Variants in LACTB2 observed in about 807,000 individuals in gnomAD.
LACTB2 encodes lactamase beta 2.
A neutral mutation model predicts 34.8 loss-of-function variants in LACTB2; 32 were observed. The observed-to-expected ratio is 0.92, with a 90% CI of 0.69 to 1.24. The LOEUF is 1.24. Among genes scored for constraint, LACTB2 ranks in the 50% most tolerant of loss-of-function variants. LACTB2 has a pLI of 0.00. For missense variants in LACTB2, 320 were observed against 345.0 expected (o/e 0.93, Z 0.57); for synonymous variants, 120 against 117.5 (o/e 1.02, Z -0.14).
chr8:70,640,820 A>G (rs896962354), intron 5 of LACTB2, 82 bp downstream of exon 5: 31 of 1,333,748 alleles, frequency 2.3e-5, no homozygotes, highest in Admixed American at 3.4e-5. Context: ...TCTGGGATAT[A>G]AGTTTATCAT....
At chr8:70,648,504 A>T (rs1818294406) in intron 3 of LACTB2, among the ~76,000 whole-genome samples, 2 of 152,206 alleles carry the variant, frequency 1.3e-5, no homozygotes, top group South Asian at 4.1e-4. Flanking sequence ...ACATGTAGTA[A>T]GATTAGGCGA....
At position 70,637,885 on chromosome 8, in the gene LACTB2, T is replaced by G; in HGVS notation, c.842A>C (p.Asp281Ala). 1 of 1,556,988 alleles carries G rather than the reference T, an allele frequency of 6.4e-7. No individual in the cohort carries two copies. The highest frequency in any genetic ancestry group is 8.7e-7 in the Non-Finnish European group (1 of 1,150,870). Residue 281 changes from aspartate to alanine, a missense_variant, in exon 7 of 7, where the codon GAC (aspartate) becomes GCC (alanine). Physicochemically the swap from Asp to Ala is moderately radical, Grantham distance 126. Coordinates refer to ENST00000276590, the MANE Select transcript of LACTB2 (RefSeq NM_016027.3). ...EGKIFSNTDP[D>A]KKWKAHL The stretch of plus-strand genomic sequence containing the variant: ...CTAAAGATGAGCTTTCCATTTCTTG[T>G]CAGGATCTGTGTTGCTAACTGTAAA...
At chr8:70,638,769 TCTCA>T in intron 5 of LACTB2, 140 bp from the exon 6 acceptor site, 1 of 656,774 alleles carries the variant, frequency 1.5e-6, no homozygotes, top group Non-Finnish European at 2.2e-6. Flanking sequence ...TGAGACAGAG[TCTCA>T]CTCTGTCGCC....
At chr8:70,658,340 A>C (rs536685177) in intron 2 of LACTB2, among the ~76,000 whole-genome samples, 74 of 152,328 alleles carry the variant, frequency 4.9e-4, no homozygotes, top group African/African-American at 1.7e-3. Context: ...ATGAAGCCCC[A>C]AACCAGTGGC....
At chr8:70,656,252 T>C (rs542824499) in intron 3 of LACTB2, among the ~76,000 whole-genome samples, 2 of 152,330 alleles carry the variant, frequency 1.3e-5, no homozygotes, top group African/African-American at 4.8e-5. Context: ...TCATGAAATC[T>C]TGCCTAAGCC....
chr8:70,642,346 A>C (rs1238619085), intron 4 of LACTB2, among the ~76,000 whole-genome samples: 1 of 152,182 alleles, frequency 6.6e-6, no homozygotes, highest in Non-Finnish European at 1.5e-5. Context: ...TTCCCCCAGC[A>C]GTAGGAACTC....
intron 5 of LACTB2, among the ~76,000 whole-genome samples, chr8:70,640,023 C>T (rs764551818): frequency 3.3e-5 from 5 of 152,254 alleles, no homozygotes; most frequent in African/African-American, 4.8e-5. Context: ...TGCAACGGTG[C>T]GATGTAGGCT....
At chr8:70,641,105 C>G in intron 4 of LACTB2, 55 bp from the exon 5 acceptor site, 1 of 1,423,234 alleles carries the variant, frequency 7.0e-7, no homozygotes. Flanking sequence ...ATACTAAGTA[C>G]AACAGAAGCT....
intron 1 of LACTB2, among the ~76,000 whole-genome samples, chr8:70,666,667 G>A (rs1227859301): frequency 6.6e-6 from 1 of 152,228 alleles, no homozygotes; most frequent in Non-Finnish European, 1.5e-5. Flanking sequence ...CAATTAGGAG[G>A]CTATTACAGT....
intron 3 of LACTB2, among the ~76,000 whole-genome samples, chr8:70,648,312 C>T (rs1330600848): frequency 1.3e-5 from 2 of 152,118 alleles, no homozygotes; most frequent in African/African-American, 4.8e-5. Flanking sequence ...CGCATAAAAA[C>T]GAACAAGCAA....
intron 1 of LACTB2, 101 bp downstream of exon 1, chr8:70,668,898 C>G: frequency 1.3e-6 from 2 of 1,492,014 alleles, no homozygotes; most frequent in Non-Finnish European, 1.8e-6. Flanking sequence ...CAGCTAGGGA[C>G]AGGACGCGGC....
At chr8:70,644,698 T>C (rs1406155819) in intron 3 of LACTB2, among the ~76,000 whole-genome samples, 6 of 152,148 alleles carry the variant, frequency 3.9e-5, no homozygotes, top group African/African-American at 1.2e-4. Flanking sequence ...CAGGCTGGTC[T>C]TGAACTCTTA....
At chr8:70,651,165 A>G (rs1818338224) in intron 3 of LACTB2, among the ~76,000 whole-genome samples, 1 of 152,210 alleles carries the variant, frequency 6.6e-6, no homozygotes, top group Non-Finnish European at 1.5e-5. Context: ...AATATAATAG[A>G]TATAAGGTAT....
chr8:70,639,455 C>T lies in LACTB2; in HGVS notation c.742-826G>A, dbSNP rs1273443732. On this transcript the variant is annotated intron_variant, in intron 5 of 6. Transcript: ENST00000276590. ...GATTACAGGCGTGAGCCACCATGCC[C>T]GGCCTGGCAGCAGTATCTGTTTTGT... Among the ~76,000 whole-genome samples the T allele has an allele frequency of 2.0e-5, 3 of 152,172 alleles. No homozygotes were observed. The East Asian group carries it at 5.8e-4, about 30-fold the overall frequency.
chr8:70,664,080 G>T (rs1410437785), intron 1 of LACTB2, among the ~76,000 whole-genome samples: 1 of 152,020 alleles, frequency 6.6e-6, no homozygotes, highest in Non-Finnish European at 1.5e-5. Context: ...CTGCCTCCAT[G>T]CATTTGCAGT....
chr8:70,651,218 A>C (rs1818338691), intron 3 of LACTB2, among the ~76,000 whole-genome samples: 1 of 152,188 alleles, frequency 6.6e-6, no homozygotes, highest in Non-Finnish European at 1.5e-5. Flanking sequence ...TTGAAAGGCC[A>C]ATGTCTGACA....
At chr8:70,658,403 CAAAG>C (rs1205804212) in intron 2 of LACTB2, among the ~76,000 whole-genome samples, 1 of 152,086 alleles carries the variant, frequency 6.6e-6, no homozygotes, top group Non-Finnish European at 1.5e-5. Context: ...TTCACTGACA[CAAAG>C]AAAATAAATT....
At chr8:70,658,851 C>A (rs1193916558) in intron 2 of LACTB2, among the ~76,000 whole-genome samples, 1 of 152,036 alleles carries the variant, frequency 6.6e-6, no homozygotes, top group Non-Finnish European at 1.5e-5. Flanking sequence ...ATAGTGAAAC[C>A]CCATCTCTAC....
chr8:70,662,014 G>T, intron 1 of LACTB2, 117 bp from the exon 2 acceptor site: 1 of 865,540 alleles, frequency 1.2e-6, no homozygotes, highest in Non-Finnish European at 1.7e-6. Flanking sequence ...CTTTTAACAT[G>T]CACAAAAACC....
Sources: gnomAD v4.1 joint callset for allele counts (sites outside exome capture counted in the v4.1 genomes callset) on GRCh38, gnomAD v4.1.1 for gene constraint, MANE v1.5 for transcripts, NCBI Gene and HGNC (gene_info 2026-07-23, HGNC 2026-07-21) for gene names.